GNB4: variants seen among roughly 807,000 people sequenced by gnomAD.
GNB4 encodes the protein guanine nucleotide-binding protein subunit beta-4.
Under a neutral mutation model 45.2 loss-of-function variants are expected in GNB4, and 28 were observed. The ratio of observed to expected loss-of-function variants is 0.62; its 90% CI spans 0.46 to 0.85. GNB4 has a LOEUF of 0.85. Among genes scored for constraint, GNB4 ranks in the 40% least tolerant of loss-of-function variants. GNB4 has a pLI of 0.00. For synonymous variants in GNB4, 132 were observed against 143.7 expected, an observed-to-expected ratio of 0.92 and a Z score of 0.58; for missense variants, 321 against 425.4, an observed-to-expected ratio of 0.75 and a Z score of 2.16.
chr3:179,526,515 A>C, the GNB4 span, among the ~76,000 whole-genome samples: 1 of 152,260 alleles, frequency 6.6e-6, no homozygotes, highest in South Asian at 2.1e-4. Flanking sequence ...TCTGATGTCT[A>C]AATGAAAATA....
the GNB4 span, among the ~76,000 whole-genome samples, chr3:179,484,484 G>T: frequency 6.6e-6 from 1 of 152,102 alleles, no homozygotes; most frequent in African/African-American, 2.4e-5. Flanking sequence ...TGAAAAAATT[G>T]AATTGCCTGA....
intron 2 of GNB4, among the ~76,000 whole-genome samples, chr3:179,422,461 T>C (rs1298065861): frequency 7.1e-6 from 1 of 141,678 alleles, no homozygotes; most frequent in Non-Finnish European, 1.5e-5. Context: ...ACCCTGTCTC[T>C]GGAAAAAAAA....
chr3:179,508,932 G>GTATATA, the GNB4 span, among the ~76,000 whole-genome samples: 315 of 102,052 alleles, frequency 3.1e-3, 8 homozygotes, highest in African/African-American at 9.3e-3. Context: ...TTCAGCATGT[G>GTATATA]TATATATATA....
At chr3:179,508,932 G>GTGTATATATATATATATATATA in the GNB4 span, among the ~76,000 whole-genome samples, 1 of 102,176 alleles carries the variant, frequency 9.8e-6, no homozygotes, top group African/African-American at 4.6e-5. Flanking sequence ...TTCAGCATGT[G>GTGTATATATATATATATATATA]TATATATATA....
chr3:179,500,010 A>C, the GNB4 span, among the ~76,000 whole-genome samples: 2 of 152,144 alleles, frequency 1.3e-5, no homozygotes, highest in Non-Finnish European at 2.9e-5. Context: ...ATTGCAAAAA[A>C]ATTTTCTCCC....
At chr3:179,477,743 G>T in the GNB4 span, among the ~76,000 whole-genome samples, 34 of 152,114 alleles carry the variant, frequency 2.2e-4, no homozygotes, top group African/African-American at 7.0e-4. Context: ...AAAGATTTAG[G>T]CTATCCCTAT....
the GNB4 span, among the ~76,000 whole-genome samples, chr3:179,496,840 A>C: frequency 6.6e-6 from 1 of 152,116 alleles, no homozygotes. Context: ...TCAATTTATA[A>C]AGCAAATGTT....
At chr3:179,501,391 T>G in the GNB4 span, among the ~76,000 whole-genome samples, 10 of 151,804 alleles carry the variant, frequency 6.6e-5, no homozygotes, top group Non-Finnish European at 1.5e-5. Context: ...CTCTGTCTCT[T>G]AGCTTCAAGT....
the GNB4 span, among the ~76,000 whole-genome samples, chr3:179,496,897 A>C: frequency 3.1e-3 from 469 of 152,244 alleles, 2 homozygotes; most frequent in African/African-American, 0.01. Flanking sequence ...TAGTAGGGGT[A>C]TCCAATATTC....
At chr3:179,458,353 T>G in the GNB4 span, among the ~76,000 whole-genome samples, 1 of 152,172 alleles carries the variant, frequency 6.6e-6, no homozygotes, top group Admixed American at 6.5e-5. Flanking sequence ...TCTCATAGTG[T>G]GATAAAGTCC....
At chr3:179,488,808 C>A in the GNB4 span, among the ~76,000 whole-genome samples, 6 of 150,492 alleles carry the variant, frequency 4.0e-5, no homozygotes, top group Non-Finnish European at 8.9e-5. Context: ...TATGGTGAAA[C>A]CCCATCTCTA....
chr3:179,521,933 AG>A, the GNB4 span, among the ~76,000 whole-genome samples: 1 of 152,124 alleles, frequency 6.6e-6, no homozygotes, highest in Non-Finnish European at 1.5e-5. Flanking sequence ...CTCCTACTCT[AG>A]GTTCCCAAGC....
the GNB4 span, among the ~76,000 whole-genome samples, chr3:179,525,530 A>G: frequency 6.7e-6 from 1 of 150,224 alleles, no homozygotes; most frequent in Non-Finnish European, 1.5e-5. Context: ...CAACCCCGCA[A>G]TTGACTTGCC....
At chr3:179,421,025 A>G (rs1288465538) in intron 2 of GNB4, 98 bp from the exon 3 acceptor site, 3 of 725,564 alleles carry the variant, frequency 4.1e-6, no homozygotes, top group Admixed American at 5.0e-5. Context: ...TTTACTTCTC[A>G]CTGTACCACA....
At chr3:179,493,591 AAAT>A in the GNB4 span, among the ~76,000 whole-genome samples, 5 of 152,028 alleles carry the variant, frequency 3.3e-5, no homozygotes, top group Admixed American at 2.0e-4. Flanking sequence ...CCATTAAGCA[AAAT>A]AATATATGAA....
At chr3:179,429,611 CAAG>C (rs2108606852) in intron 1 of GNB4, among the ~76,000 whole-genome samples, 1 of 152,286 alleles carries the variant, frequency 6.6e-6, no homozygotes, top group South Asian at 2.1e-4. Context: ...TCCAGAACTT[CAAG>C]CCTTTTCACA....
intron 1 of GNB4, among the ~76,000 whole-genome samples, chr3:179,444,593 TC>T (rs1715673810): frequency 6.6e-6 from 1 of 152,036 alleles, no homozygotes; most frequent in Non-Finnish European, 1.5e-5. Context: ...GCACCTATAG[TC>T]CCAGATACTT....
chr3:179,484,000 G>A, the GNB4 span, among the ~76,000 whole-genome samples: 1 of 152,136 alleles, frequency 6.6e-6, no homozygotes, highest in Non-Finnish European at 1.5e-5. Context: ...GCTCAAAAAA[G>A]GACATTAGAA....
chr3:179,445,102 GTCCTCATCTTGTCCCTCCCAAAGTAGTA>G (rs1410083172), intron 1 of GNB4, among the ~76,000 whole-genome samples: 5 of 151,962 alleles, frequency 3.3e-5, no homozygotes, highest in African/African-American at 1.2e-4. Flanking sequence ...AGAGGCCATT[GTCCTCATCTTGTCCCTCCCAAAGTAGTA>G]TTCTCTCTTT....
Sources: allele counts gnomAD v4.1 joint callset (sites outside exome capture counted in the v4.1 genomes callset), GRCh38; gene constraint gnomAD v4.1.1; transcripts MANE v1.5; gene names NCBI Gene and HGNC (gene_info 2026-07-23, HGNC 2026-07-21).